The following DPP10 variants were observed in gnomAD, a reference collection of about 807,000 sequenced individuals.
DPP10 encodes dipeptidyl peptidase like 10.
DPP10 carries 33 observed loss-of-function variants against 120.9 expected under a neutral mutation model. The observed-to-expected ratio is 0.27, with a 90% CI of 0.21 to 0.37. DPP10 has a LOEUF of 0.37. Ranked by LOEUF, DPP10 falls within the 10% of genes least tolerant of loss-of-function variation. The pLI, the probability that DPP10 is intolerant of heterozygous loss-of-function variation, is 1.00. For synonymous variants in DPP10, 337 were observed against 326.1 expected (o/e 1.03, Z -0.36); for missense variants, 816 against 942.8 (o/e 0.87, Z 1.76).
At chr2:114,576,027 A>T (rs2105049316) in intron 1 of DPP10, among the ~76,000 whole-genome samples, 1 of 152,382 alleles carries the variant, frequency 6.6e-6, no homozygotes, top group Non-Finnish European at 1.5e-5. Flanking sequence ...ACAATTGTTC[A>T]GGATGTAAAA....
chr2:114,506,798 A>G (rs1489462991), intron 1 of DPP10, among the ~76,000 whole-genome samples: 1 of 152,212 alleles, frequency 6.6e-6, no homozygotes, highest in African/African-American at 2.4e-5. Flanking sequence ...TCAGGGAAGT[A>G]TCATGCTTCA....
chr2:115,373,626 A>G (rs2065573755), intron 3 of DPP10, among the ~76,000 whole-genome samples: 1 of 152,120 alleles, frequency 6.6e-6, no homozygotes, highest in Admixed American at 6.5e-5. Flanking sequence ...AGCATAGTCA[A>G]TAGGAGTAGA....
intron 1 of DPP10, among the ~76,000 whole-genome samples, chr2:115,265,593 G>A (rs762664009): frequency 1.3e-5 from 2 of 151,890 alleles, no homozygotes; most frequent in Admixed American, 6.6e-5. Context: ...TTATTTCATT[G>A]GGGGTGAGTG....
At chr2:114,579,569 C>T (rs1041853005) in intron 1 of DPP10, among the ~76,000 whole-genome samples, 13 of 152,130 alleles carry the variant, frequency 8.5e-5, no homozygotes, top group African/African-American at 2.4e-5. Flanking sequence ...GAATTTATAA[C>T]CTATAACCAA....
chr2:115,443,791 T>C (rs2072303802), intron 3 of DPP10, among the ~76,000 whole-genome samples: 1 of 152,162 alleles, frequency 6.6e-6, no homozygotes, highest in Non-Finnish European at 1.5e-5. Flanking sequence ...TTGCTCAAGA[T>C]TGAGAATAGC....
chr2:115,321,014 T>C (rs1312818950), intron 2 of DPP10, among the ~76,000 whole-genome samples: 1 of 152,126 alleles, frequency 6.6e-6, no homozygotes, highest in Non-Finnish European at 1.5e-5. Context: ...AAAGCTCTGT[T>C]CTTGGCTGGG....
chr2:115,593,695 A>T (rs187779522), intron 5 of DPP10, among the ~76,000 whole-genome samples: 1 of 152,222 alleles, frequency 6.6e-6, no homozygotes, highest in African/African-American at 2.4e-5. Flanking sequence ...AATAATAGGT[A>T]TATGACTGTC....
At chr2:114,821,765 A>G (rs1686107903) in intron 1 of DPP10, among the ~76,000 whole-genome samples, 1 of 152,150 alleles carries the variant, frequency 6.6e-6, no homozygotes, top group Non-Finnish European at 1.5e-5. Context: ...CCAAAATCCA[A>G]TAGGGTAGTA....
At chr2:115,453,772 G>A (rs2073310557) in intron 3 of DPP10, among the ~76,000 whole-genome samples, 1 of 151,164 alleles carries the variant, frequency 6.6e-6, no homozygotes, top group Non-Finnish European at 1.5e-5. Flanking sequence ...ACAGAAGGAA[G>A]AAAATAATAA....
At chr2:115,516,733 A>T (rs1304969229) in intron 4 of DPP10, among the ~76,000 whole-genome samples, 1 of 152,114 alleles carries the variant, frequency 6.6e-6, no homozygotes, top group Non-Finnish European at 1.5e-5. Context: ...GTTGTAAATT[A>T]TGAAGACATA....
intron 1 of DPP10, among the ~76,000 whole-genome samples, chr2:114,887,081 C>T (rs886746654): frequency 6.6e-6 from 1 of 152,148 alleles, no homozygotes; most frequent in Non-Finnish European, 1.5e-5. Flanking sequence ...TATTTCTACT[C>T]TTTTCCCAAA....
At chr2:115,502,330 GT>G (rs1385685465) in intron 4 of DPP10, among the ~76,000 whole-genome samples, 1 of 152,104 alleles carries the variant, frequency 6.6e-6, no homozygotes, top group Admixed American at 6.6e-5. Context: ...TTGAAGGTAG[GT>G]GGATTTCTAA....
chr2:114,841,015 C>A (rs1688116397), intron 1 of DPP10, among the ~76,000 whole-genome samples: 1 of 152,154 alleles, frequency 6.6e-6, no homozygotes, highest in Non-Finnish European at 1.5e-5. Flanking sequence ...ATGCTTATTT[C>A]TGTGTCCCTC....
At chr2:115,486,131 A>G (rs1340770021) in intron 3 of DPP10, among the ~76,000 whole-genome samples, 3 of 151,786 alleles carry the variant, frequency 2.0e-5, no homozygotes, top group Admixed American at 1.3e-4. Context: ...TTAAAATCGG[A>G]AAATATAAAA....
At chr2:115,675,183 AG>A (rs1030576378) in intron 5 of DPP10, among the ~76,000 whole-genome samples, 3 of 152,204 alleles carry the variant, frequency 2.0e-5, no homozygotes, top group Admixed American at 2.0e-4. Flanking sequence ...CATGTGTTCA[AG>A]TTTTCAGTGT....
intron 1 of DPP10, among the ~76,000 whole-genome samples, chr2:114,569,068 T>C (rs1428816878): frequency 6.6e-6 from 1 of 152,218 alleles, no homozygotes; most frequent in African/African-American, 2.4e-5. Flanking sequence ...TCTCATCTTA[T>C]ATGTTAATAG....
chr2:115,271,484 A>T (rs1264289577), intron 1 of DPP10, among the ~76,000 whole-genome samples: 1 of 151,896 alleles, frequency 6.6e-6, no homozygotes, highest in Non-Finnish European at 1.5e-5. Flanking sequence ...ACTATTGAAC[A>T]CTCTTTTGTT....
Position 115,559,505 on chromosome 2 carries a change from T to C in DPP10, c.441+33533T>C, listed in dbSNP as rs577905730. On this transcript the variant is annotated intron_variant, in intron 5 of 25. Coordinates refer to ENST00000410059, the MANE Select transcript of DPP10 (RefSeq NM_020868.6). ...CTTAATTGTTTTACCGTTTGATTTC[T>C]ATGTTACAAACTTGAATGAGAGACT... Among the ~76,000 whole-genome samples, 13 of 152,302 alleles carry C rather than the reference T, an allele frequency of 8.5e-5. 1 individual carries two copies. The highest frequency in any genetic ancestry group is 2.1e-4 in the South Asian group (1 of 4,830).
intron 1 of DPP10, among the ~76,000 whole-genome samples, chr2:115,210,028 A>G (rs902337673): frequency 6.6e-6 from 1 of 151,804 alleles, no homozygotes; most frequent in African/African-American, 2.4e-5. Context: ...TTTATTTTTT[A>G]TATATATTAT....
Sources: gnomAD v4.1 joint callset for allele counts (sites outside exome capture counted in the v4.1 genomes callset) on GRCh38, gnomAD v4.1.1 for gene constraint, MANE v1.5 for transcripts, NCBI Gene and HGNC (gene_info 2026-07-23, HGNC 2026-07-21) for gene names.